Variants in ATP2C2 observed in about 807,000 individuals in gnomAD.
The protein encoded by ATP2C2 is ATPase secretory pathway Ca2+ transporting 2.
A neutral mutation model predicts 110.8 loss-of-function variants in ATP2C2; 171 were observed. The observed-to-expected ratio is 1.54, with a 90% CI of 1.36 to 1.75. The LOEUF (loss-of-function observed/expected upper bound fraction) is 1.75, where lower values mean the gene tolerates loss of function less well. Ranked by LOEUF, ATP2C2 falls within the 40% of genes most tolerant of loss-of-function variation. ATP2C2 has a pLI of 0.00. For synonymous variants in ATP2C2, 804 were observed against 508.4 expected (o/e 1.58, Z -7.82); for missense variants, 1,963 against 1,235.0 (o/e 1.59, Z -8.84).
At chr16:84,371,223 G>A (rs1909935910) in intron 1 of ATP2C2, among the ~76,000 whole-genome samples, 1 of 152,136 alleles carries the variant, frequency 6.6e-6, no homozygotes, top group Non-Finnish European at 1.5e-5. Context: ...GGAATGGAAA[G>A]AAAGGTGTTT....
chr16:84,461,543 G>C (rs1911337613), intron 24 of ATP2C2, 171 bp from the exon 25 acceptor site: 2 of 689,754 alleles, frequency 2.9e-6, no homozygotes, highest in African/African-American at 1.8e-5. Context: ...GGGAGACCCT[G>C]GGGTAGCAGC....
chr16:84,453,056 TC>T (rs1347858644), intron 18 of ATP2C2, 81 bp from the exon 19 acceptor site: 21 of 1,388,468 alleles, frequency 1.5e-5, no homozygotes, highest in Non-Finnish European at 2.0e-5. Context: ...TTCTTGGTGT[TC>T]CCCATGGCCG....
rs770569084 is a variant in ATP2C2 at position 84,446,338 on chromosome 16, A to G, written c.1411A>G (p.Ser471Gly). The G allele has an allele frequency of 6.3e-6, 10 of 1,579,236 alleles. No individual in the cohort carries two copies. Among genetic ancestry groups the G allele is most frequent in the Non-Finnish European group, 8.6e-6 (10 of 1,159,718 alleles). The part of the protein sequence containing the change: ...LMALAMKMDL[S>G]DIKNSYIRKK... ...CATTTTATTATGCTAGATGGACTTA[A>G]GTGATATTAAAAATTCATATATAAG... The change falls in exon 16 of 27, where the codon AGT (serine) becomes GGT (glycine). Residue 471 changes from serine (S) to glycine (G), a missense_variant. Coordinates refer to ENST00000262429, the MANE Select transcript of ATP2C2 (RefSeq NM_014861.4).
intron 20 of ATP2C2, among the ~76,000 whole-genome samples, chr16:84,453,710 C>T (rs1042091105): frequency 1.3e-5 from 2 of 152,102 alleles, no homozygotes; most frequent in Admixed American, 1.3e-4. Context: ...GGACACGAGC[C>T]CCACCAAACC....
At chr16:84,436,206 G>T (rs1008319157) in intron 11 of ATP2C2, among the ~76,000 whole-genome samples, 1 of 152,224 alleles carries the variant, frequency 6.6e-6, no homozygotes, top group Non-Finnish European at 1.5e-5. Flanking sequence ...ATTGGAATTT[G>T]TTGCCAACGT....
chr16:84,461,671 G>C (rs545669703), intron 24 of ATP2C2, 43 bp from the exon 25 acceptor site: 1 of 1,563,940 alleles, frequency 6.4e-7, no homozygotes, highest in African/African-American at 1.4e-5. Context: ...GATGGAGGTT[G>C]TCTCTTCCCG....
At chr16:84,441,102 A>C in intron 14 of ATP2C2, 144 bp downstream of exon 14, 1 of 720,020 alleles carries the variant, frequency 1.4e-6, no homozygotes, top group Non-Finnish European at 2.4e-6. Context: ...ACAGCACTGA[A>C]AAAATGGCCT....
intron 20 of ATP2C2, among the ~76,000 whole-genome samples, chr16:84,454,151 C>T (rs1910574859): frequency 6.7e-6 from 1 of 149,972 alleles, no homozygotes; most frequent in South Asian, 2.3e-4. Context: ...CTCCGTGCCT[C>T]CGTTTCCTCA....
At chr16:84,434,668 G>A (rs1457507225) in intron 11 of ATP2C2, among the ~76,000 whole-genome samples, 2 of 151,660 alleles carry the variant, frequency 1.3e-5, no homozygotes, top group Admixed American at 6.6e-5. Flanking sequence ...ACAGGTGCTC[G>A]CTACCACACC....
Position 84,422,453 on chromosome 16 carries a change from G to C in ATP2C2, c.688G>C (p.Asp230His), listed in dbSNP as rs1567712914. 1 of 1,613,688 alleles carries C rather than the reference G, an allele frequency of 6.2e-7. No individual in the cohort carries two copies. The highest frequency in any genetic ancestry group is 1.7e-5 in the Admixed American group (1 of 59,984). The change falls in exon 8 of 27, where the codon GAC becomes CAC. Residue 230 changes from aspartate (D) to histidine (H), a missense_variant. Transcript: ENST00000262429. ...GGAAGCCGAGCCATGTAGTAAAACA[G>C]ACAGCCCCTTGACAGGCGGTGGGGA... ...TGEAEPCSKT[D>H]SPLTGGGDLT...
At chr16:84,437,173 C>T (rs1041222783) in intron 11 of ATP2C2, among the ~76,000 whole-genome samples, 3 of 152,118 alleles carry the variant, frequency 2.0e-5, no homozygotes, top group Non-Finnish European at 4.4e-5. Flanking sequence ...ACAGCCGTCA[C>T]CACAGTCCAT....
In ATP2C2 at chr16:84,463,809, A is replaced by AC; in HGVS notation, c.*77_*78insC. On this transcript the variant is annotated 3_prime_UTR_variant, in exon 27 of 27. Transcript: ENST00000262429. Reference sequence around the variant, plus strand: ...GTGGCCCCTGCCGTGTCTCCTCGTCAGGGGAGACTTTTAGGAGGCCGCAGC... The same window carrying AC: ...GTGGCCCCTGCCGTGTCTCCTCGTCACGGGGAGACTTTTAGGAGGCCGCAGC... The AC allele has an allele frequency of 6.1e-6, 8 of 1,305,082 alleles. No homozygotes were observed. Among genetic ancestry groups the AC allele is most frequent in the Non-Finnish European group, 8.8e-6 (8 of 906,856 alleles). The allele number at this position is 1,305,082 out of a possible 1,614,324, so 80.8% of individuals were successfully genotyped here. A position where few individuals can be genotyped will look rare whatever the true frequency, so the allele number is the denominator to read the frequency against.
intron 11 of ATP2C2, among the ~76,000 whole-genome samples, chr16:84,429,130 C>T (rs1292088686): frequency 1.5e-5 from 2 of 131,984 alleles, no homozygotes; most frequent in Non-Finnish European, 3.4e-5. Context: ...GAACGATCTT[C>T]ATGGCGTTGT....
At chr16:84,417,621 G>T (rs1361905457) in intron 7 of ATP2C2, among the ~76,000 whole-genome samples, 3 of 152,206 alleles carry the variant, frequency 2.0e-5, no homozygotes, top group Admixed American at 2.0e-4. Flanking sequence ...GCTGGGCACA[G>T]TGGCTCATAC....
At chr16:84,394,908 T>G (rs1904879480) in intron 1 of ATP2C2, among the ~76,000 whole-genome samples, 1 of 152,152 alleles carries the variant, frequency 6.6e-6, no homozygotes, top group Non-Finnish European at 1.5e-5. Context: ...CACATTCTGG[T>G]GTACCAGGTG....
Position 84,459,206 on chromosome 16 carries a change from T to C in ATP2C2, c.2216+18T>C, listed in dbSNP as rs374897126. 1.9e-5 allele frequency: 30 copies of C among 1,614,120 alleles called. No homozygotes were observed. Among genetic ancestry groups the C allele is most frequent in the Middle Eastern group, 1.6e-4 (1 of 6,084 alleles). ...CTGAGCACGTAAGTAGAGGCCAGCA[T>C]TCCGAGTGTCATTAAGCACCACGCC... On this transcript the variant is annotated intron_variant, in intron 22 of 26. Coordinates refer to ENST00000262429, the MANE Select transcript of ATP2C2 (RefSeq NM_014861.4).
chr16:84,385,085 CTG>C lies in ATP2C2; in HGVS notation c.100-13409_100-13408del, dbSNP rs138482878. 3.1e-3 allele frequency among the ~76,000 whole-genome samples: 470 copies of C among 152,250 alleles called. 3 individuals are homozygous for C. The highest frequency in any genetic ancestry group is 0.011 in the African/African-American group (461 of 41,546). On this transcript the variant is annotated intron_variant, in intron 1 of 26. Coordinates refer to ENST00000262429, the MANE Select transcript of ATP2C2 (RefSeq NM_014861.4). ...ACATAAAAAGAAGAAATACCTGAGA[CTG>C]TGTGATTTATAGGGAAAAGAGGTTT... is the stretch of plus-strand genomic sequence containing the variant.
Position 84,451,982 on chromosome 16 carries a change from C to T in ATP2C2, c.1722C>T (p.Ile574=), listed in dbSNP as rs1910317079. Reference sequence around the variant, plus strand: ...TGACGTTTCTCGGTCTTGTGGGCATCATTGACCCCCCGAGAGTTGGCGTGA... The same window carrying T: ...TGACGTTTCTCGGTCTTGTGGGCATTATTGACCCCCCGAGAGTTGGCGTGA... ...GRLTFLGLVG[I]IDPPRVGVKE... is the part of the protein sequence containing the mutation. The change falls in exon 18 of 27, where the codon ATC becomes ATT. Residue 574 remains isoleucine (I), a synonymous_variant. Transcript: ENST00000262429. 1.9e-6 allele frequency: 3 copies of T among 1,613,966 alleles called. No homozygotes were observed. Among genetic ancestry groups the T allele is most frequent in the Non-Finnish European group, 2.5e-6 (3 of 1,179,988 alleles).
At chr16:84,403,132 C>G (rs756279390) in intron 2 of ATP2C2, among the ~76,000 whole-genome samples, 1 of 151,982 alleles carries the variant, frequency 6.6e-6, no homozygotes, top group Non-Finnish European at 1.5e-5. Flanking sequence ...TGTGAAGTTT[C>G]CTTTTTCATT....
Sources: gnomAD v4.1 joint callset for allele counts (sites outside exome capture counted in the v4.1 genomes callset) on GRCh38, gnomAD v4.1.1 for gene constraint, MANE v1.5 for transcripts, NCBI Gene and HGNC (gene_info 2026-07-23, HGNC 2026-07-21) for gene names.